ALG6: variants seen among roughly 807,000 people sequenced by gnomAD.
The protein encoded by ALG6 is ALG6 alpha-1,3-glucosyltransferase, also known as dolichyl pyrophosphate Man9GlcNAc2 alpha-1,3-glucosyltransferase.
A neutral mutation model predicts 66.6 loss-of-function variants in ALG6; 46 were observed. The observed-to-expected ratio is 0.69, with a 90% CI of 0.55 to 0.88. The LOEUF (loss-of-function observed/expected upper bound fraction) is 0.88. Among genes scored for constraint, ALG6 ranks in the 40% least tolerant of loss-of-function variants. The pLI is 0.00. For synonymous variants in ALG6, 185 were observed against 203.7 expected (o/e 0.91, Z 0.78); for missense variants, 505 against 586.8 (o/e 0.86, Z 1.44).
intron 2 of ALG6, among the ~76,000 whole-genome samples, chr1:63,375,390 C>CA (rs1320509387): frequency 6.7e-6 from 1 of 149,494 alleles, no homozygotes; most frequent in Non-Finnish European, 1.5e-5. Flanking sequence ...GATTTACAGG[C>CA]ATGTGCCACC....
At chr1:63,428,525 A>G (rs112960436) in intron 12 of ALG6, 1 of 413,720 alleles carries the variant, frequency 2.4e-6, no homozygotes, top group Non-Finnish European at 4.2e-6. Flanking sequence ...TCCAATTATT[A>G]TGAGGAGTTG....
intron 3 of ALG6, among the ~76,000 whole-genome samples, chr1:63,398,987 T>A (rs1033883295): frequency 2.6e-5 from 4 of 152,208 alleles, no homozygotes; most frequent in African/African-American, 9.6e-5. Context: ...TAGCTAGGTA[T>A]TCTGCTCAGA....
rs768372697 is a variant in ALG6, at chr1:63,404,533, G to A, written c.338G>A (p.Arg113His). Residue 113 changes from arginine to histidine, a missense_variant, in exon 5 of 15, where the codon CGT (arginine) becomes CAT (histidine). Transcript: ENST00000263440. ...YESQAHKLFMRTTVLIADLLI... is the reference protein window; with the variant it reads ...YESQAHKLFMHTTVLIADLLI... ...AGTCAGGCACATAAGCTCTTCATGC[G>A]TACAACAGGTAAAAGAGCAATGGGT... 5.3e-5 allele frequency: 85 copies of A among 1,613,080 alleles called. No individual in the cohort carries two copies. In the East Asian group the frequency reaches 1.5e-3, roughly 29 times the overall value.
intron 2 of ALG6, among the ~76,000 whole-genome samples, chr1:63,389,618 G>GA (rs1648608725): frequency 6.6e-6 from 1 of 152,138 alleles, no homozygotes; most frequent in Non-Finnish European, 1.5e-5. Context: ...TGTTTTTCTG[G>GA]ATGGTCTTAA....
rs529330200 is a variant in ALG6, at chr1:63,419,575, G to GT, written c.1058+142dup. 69 of 703,594 alleles carry GT rather than the reference G, an allele frequency of 9.8e-5. No individual in the cohort carries two copies. The East Asian group carries it at 1.3e-3, about 13-fold the overall frequency. The allele number at this position is 703,594 out of a possible 1,614,324, so 43.6% of individuals were successfully genotyped here. On this transcript the variant is annotated intron_variant, in intron 12 of 14. Coordinates refer to ENST00000263440, the MANE Select transcript of ALG6 (RefSeq NM_013339.4). The stretch of plus-strand genomic sequence containing the variant: ...TTGCATAAAATGATTTCATAGTCAG[G>GT]TTTTTTTCCAGAATTTTTGATTTTC...
intron 2 of ALG6, among the ~76,000 whole-genome samples, chr1:63,395,193 A>G (rs781135693): frequency 2.0e-5 from 3 of 152,122 alleles, no homozygotes; most frequent in Non-Finnish European, 2.9e-5. Flanking sequence ...GGTTCATTGT[A>G]TTTGGTATAT....
chr1:63,412,262 C>T lies in ALG6; in HGVS notation c.816+201C>T, dbSNP rs12091994. On this transcript the variant is annotated intron_variant, in intron 9 of 14. Coordinates refer to ENST00000263440, the MANE Select transcript of ALG6 (RefSeq NM_013339.4). ...CCCAGGCTGGAGGGCAGTGGCTATT[C>T]GCAGGGGTAATCATGGTGCACTACA... Among the ~76,000 whole-genome samples the T allele has an allele frequency of 0.021, 3,267 of 152,150 alleles. 107 individuals are homozygous for T. The highest frequency in any genetic ancestry group is 0.075 in the African/African-American group (3,102 of 41,514).
intron 4 of ALG6, among the ~76,000 whole-genome samples, 169 bp downstream of exon 4, chr1:63,402,512 G>A (rs546069314): frequency 1.4e-5 from 2 of 142,928 alleles, no homozygotes; most frequent in East Asian, 2.1e-4. Flanking sequence ...CATCGCCCAG[G>A]CTGGAGTGCA....
rs1647802138 is a variant in ALG6, at chr1:63,368,494, T to C, written c.-208+807T>C. Among the ~76,000 whole-genome samples, 3 of 151,680 alleles carry C rather than the reference T, an allele frequency of 2.0e-5. No homozygotes were observed. The South Asian group carries it at 6.2e-4, about 32-fold the overall frequency. On this transcript the variant is annotated intron_variant, in intron 1 of 14. Coordinates refer to ENST00000263440, the MANE Select transcript of ALG6 (RefSeq NM_013339.4). ...TAGTCAACACATCCAAGTAATTTCC[T>C]TTTACACTTTTTTTTTTTTTAATTG...
rs1644468802 is a variant in ALG6, at chr1:63,402,321, C to CAT, written c.237_238dup (p.Ser80IlefsTer12). The CAT allele has an allele frequency of 6.2e-7, 1 of 1,610,544 alleles. No homozygotes were observed. On this transcript the variant is annotated frameshift_variant, in exon 4 of 15. Coordinates refer to ENST00000263440, the MANE Select transcript of ALG6 (RefSeq NM_013339.4). LOFTEE classifies it high-confidence loss of function. ...GGATTACCCACCTCTTACAGCTTAT[C>CAT]ATAGTCTCCTATGTGCATATGTGTA...
At chr1:63,394,861 ATTTCT>A (rs1648772117) in intron 2 of ALG6, among the ~76,000 whole-genome samples, 2 of 143,542 alleles carry the variant, frequency 1.4e-5, no homozygotes, top group Non-Finnish European at 3.1e-5. Context: ...GATAATACCT[ATTTCT>A]TTTCTTTTTT....
chr1:63,371,091 G>A (rs764336209), intron 2 of ALG6, 32 bp downstream of exon 2: 23 of 1,426,520 alleles, frequency 1.6e-5, no homozygotes, highest in Middle Eastern at 3.5e-4. Context: ...AAAAAAAAAC[G>A]AAATTTTCCT....
chr1:63,386,007 G>C (rs1396905607), intron 2 of ALG6, among the ~76,000 whole-genome samples: 1 of 152,230 alleles, frequency 6.6e-6, no homozygotes, highest in African/African-American at 2.4e-5. Context: ...TCAATTTTTT[G>C]AGGGTTTGTG....
At chr1:63,430,951 C>A (rs1644642416) in intron 14 of ALG6, among the ~76,000 whole-genome samples, 1 of 152,076 alleles carries the variant, frequency 6.6e-6, no homozygotes, top group Non-Finnish European at 1.5e-5. Context: ...ATCTAAGAAA[C>A]CATTGTATAA....
rs1570063031 is a variant in ALG6 at position 63,404,445 on chromosome 1, A to G, written c.258-8A>G. 4 of 1,611,424 alleles carry G rather than the reference A, an allele frequency of 2.5e-6. No individual in the cohort carries two copies. The Admixed American group carries it at 6.7e-5, about 27-fold the overall frequency. ...ATGAAGTATCTGTATATATGCTTTG[A>G]TTTGCAGGGCAAAGTTTATAAATCC... is the stretch of plus-strand genomic sequence containing the variant. On this transcript the variant is annotated splice_polypyrimidine_tract_variant and splice_region_variant and intron_variant, in intron 4 of 14. Coordinates refer to ENST00000263440, the MANE Select transcript of ALG6 (RefSeq NM_013339.4).
Position 63,428,766 on chromosome 1 carries a change from T to C in ALG6, c.1092T>C (p.Phe364=), listed in dbSNP as rs751867296. 5 of 1,609,634 alleles carry C rather than the reference T, an allele frequency of 3.1e-6. No individual in the cohort carries two copies. The highest frequency in any genetic ancestry group is 4.5e-5 in the East Asian group (2 of 44,732). Residue 364 remains phenylalanine, a synonymous_variant, in exon 13 of 15, where the codon TTT becomes TTC. Coordinates refer to ENST00000263440, the MANE Select transcript of ALG6 (RefSeq NM_013339.4). ...GCTTAGTTTTAAGTGAAATTCCTTTTATGTCTACTTGGTTTTTACTTGTGT... is the reference window on the plus strand; with the variant it reads ...GCTTAGTTTTAAGTGAAATTCCTTTCATGTCTACTTGGTTTTTACTTGTGT... ...PVCLVLSEIP[F]MSTWFLLVST... is the part of the protein sequence containing the mutation.
Position 63,428,938 on chromosome 1 carries a change from C to A in ALG6, c.1138C>A (p.Leu380Ile), listed in dbSNP as rs1461862944. 2 of 1,613,106 alleles carry A rather than the reference C, an allele frequency of 1.2e-6. No homozygotes were observed. Among genetic ancestry groups the A allele is most frequent in the Middle Eastern group, 1.6e-4 (1 of 6,074 alleles). The part of the protein sequence containing the change: ...LLVSTFSMLP[L>I]LLKDELLMPS... ...AATTTTCCTTTACAGTATGCTACCTCTTCTATTGAAGGATGAACTCCTAAT... is the reference window on the plus strand; with the variant it reads ...AATTTTCCTTTACAGTATGCTACCTATTCTATTGAAGGATGAACTCCTAAT... The change falls in exon 14 of 15, where the codon CTT becomes ATT. Residue 380 changes from leucine (L) to isoleucine (I), a missense_variant. Physicochemically the swap from Leu to Ile is conservative, Grantham distance 5. Transcript: ENST00000263440.
At chr1:63,403,713 G>A (rs1397211520) in intron 4 of ALG6, among the ~76,000 whole-genome samples, 2 of 152,086 alleles carry the variant, frequency 1.3e-5, no homozygotes, top group Admixed American at 1.3e-4. Flanking sequence ...ATAGCCTATT[G>A]TTCCTAGGCT....
intron 14 of ALG6, among the ~76,000 whole-genome samples, chr1:63,432,667 T>C (rs1160715815): frequency 1.3e-5 from 2 of 152,258 alleles, no homozygotes; most frequent in African/African-American, 2.4e-5. Context: ...CTAATTATTA[T>C]AATGAAAAAT....
Sources: allele counts gnomAD v4.1 joint callset (sites outside exome capture counted in the v4.1 genomes callset), GRCh38; gene constraint gnomAD v4.1.1; transcripts MANE v1.5; gene names NCBI Gene and HGNC (gene_info 2026-07-23, HGNC 2026-07-21).